SEMA3A: variants seen among roughly 807,000 people sequenced by gnomAD.
The protein encoded by SEMA3A is semaphorin-3A.
In SEMA3A, 29 loss-of-function variants were observed where a neutral mutation model predicts 97.9. That is an observed-to-expected ratio of 0.30 (90% CI 0.22 to 0.40). The LOEUF is 0.40. SEMA3A is among the 10% of genes least tolerant of loss of function. The pLI, the probability that SEMA3A is intolerant of heterozygous loss-of-function variation, is 1.00. For missense variants in SEMA3A, 763 were observed against 951.3 expected (o/e 0.80, Z 2.60); for synonymous variants, 321 against 323.7 (o/e 0.99, Z 0.09).
chr7:83,980,810 G>C (rs766556865), intron 14 of SEMA3A, among the ~76,000 whole-genome samples: 1 of 151,318 alleles, frequency 6.6e-6, no homozygotes, highest in Admixed American at 6.6e-5. Context: ...AAATTTTCTT[G>C]AAACAAATAG....
chr7:84,286,859 A>G (rs2115767132), intron 3 of SEMA3A, among the ~76,000 whole-genome samples: 1 of 152,284 alleles, frequency 6.6e-6, no homozygotes, highest in Non-Finnish European at 1.5e-5. Flanking sequence ...AAAATGCCAT[A>G]ATCATGTATT....
intron 4 of SEMA3A, among the ~76,000 whole-genome samples, chr7:84,087,261 GT>G (rs1794410882): frequency 6.6e-6 from 1 of 152,072 alleles, no homozygotes; most frequent in Non-Finnish European, 1.5e-5. Flanking sequence ...GTGTGATTTT[GT>G]GTTATTTAAC....
upstream of SEMA3A, among the ~76,000 whole-genome samples, chr7:84,198,376 A>G (rs1798286401): frequency 6.6e-6 from 1 of 151,902 alleles, no homozygotes; most frequent in Non-Finnish European, 1.5e-5. Flanking sequence ...TATTTTTAGT[A>G]GAGACAGGGT....
intron 6 of SEMA3A, among the ~76,000 whole-genome samples, chr7:84,034,989 T>C (rs985985834): frequency 1.3e-5 from 2 of 152,152 alleles, no homozygotes; most frequent in African/African-American, 4.8e-5. Context: ...GTTTACTTTC[T>C]AGTGGAACTA....
intron 15 of SEMA3A, among the ~76,000 whole-genome samples, chr7:83,972,138 A>G (rs1788946063): frequency 6.6e-6 from 1 of 151,998 alleles, no homozygotes; most frequent in South Asian, 2.1e-4. Flanking sequence ...TAGGGCCAAT[A>G]TATTTTAATT....
At chr7:84,097,081 T>A (rs1324731471) in intron 4 of SEMA3A, among the ~76,000 whole-genome samples, 3 of 152,098 alleles carry the variant, frequency 2.0e-5, no homozygotes, top group Non-Finnish European at 4.4e-5. Context: ...AAAGGGCAAG[T>A]AAATGTGGGA....
At position 84,006,350 on chromosome 7, in the gene SEMA3A, T is replaced by C. The variant is rs546158738; in HGVS notation, c.1141-792A>G. On this transcript the variant is annotated intron_variant, in intron 10 of 16. Coordinates refer to ENST00000265362, the MANE Select transcript of SEMA3A (RefSeq NM_006080.3). Reference sequence around the variant, plus strand: ...CTAACATAATGCTAAAAAAGTACCATTGAGATATGTAATAAATAAAATAAT... The same window carrying C: ...CTAACATAATGCTAAAAAAGTACCACTGAGATATGTAATAAATAAAATAAT... Among the ~76,000 whole-genome samples, 850 of 152,104 alleles carry C rather than the reference T, an allele frequency of 5.6e-3. 12 individuals carry two copies. Among genetic ancestry groups the C allele is most frequent in the African/African-American group, 0.02 (813 of 41,514 alleles).
chr7:84,085,894 A>T (rs1219830867), intron 4 of SEMA3A, among the ~76,000 whole-genome samples: 1 of 152,166 alleles, frequency 6.6e-6, no homozygotes, highest in Non-Finnish European at 1.5e-5. Context: ...TGGAAGACGG[A>T]TGTACAACTG....
intron 1 of SEMA3A, among the ~76,000 whole-genome samples, chr7:84,385,000 C>A (rs1803361656): frequency 6.6e-6 from 1 of 151,838 alleles, no homozygotes; most frequent in Admixed American, 6.6e-5. Context: ...ATATCAGGTT[C>A]AGATGTCACT....
chr7:84,107,536 C>T (rs1445933396), intron 4 of SEMA3A, among the ~76,000 whole-genome samples: 1 of 152,154 alleles, frequency 6.6e-6, no homozygotes, highest in African/African-American at 2.4e-5. Context: ...CTCTCAAAGG[C>T]TGTGAGTTTC....
At chr7:84,440,899 C>T (rs1805255119) in intron 1 of SEMA3A, among the ~76,000 whole-genome samples, 1 of 152,190 alleles carries the variant, frequency 6.6e-6, no homozygotes, top group Non-Finnish European at 1.5e-5. Flanking sequence ...TGGCTCACGC[C>T]TGTAATCTCA....
chr7:84,211,857 T>C (rs1386819616), intron 3 of SEMA3A, among the ~76,000 whole-genome samples: 1 of 152,166 alleles, frequency 6.6e-6, no homozygotes, highest in Non-Finnish European at 1.5e-5. Flanking sequence ...TATGTGGGAT[T>C]CAAGATCAAT....
At chr7:84,403,232 G>T (rs914379809) in intron 1 of SEMA3A, among the ~76,000 whole-genome samples, 16 of 152,156 alleles carry the variant, frequency 1.1e-4, no homozygotes, top group Non-Finnish European at 2.4e-4. Context: ...TTAACAAACG[G>T]CACACCAGGA....
intron 2 of SEMA3A, among the ~76,000 whole-genome samples, chr7:84,325,433 A>C (rs924068964): frequency 1.3e-5 from 2 of 152,102 alleles, no homozygotes; most frequent in African/African-American, 4.8e-5. Context: ...CAAAGATCTG[A>C]ATAAAGACAG....
At chr7:84,418,975 A>G (rs1199769226) in intron 1 of SEMA3A, among the ~76,000 whole-genome samples, 1 of 152,120 alleles carries the variant, frequency 6.6e-6, no homozygotes, top group Non-Finnish European at 1.5e-5. Flanking sequence ...ACATACATAT[A>G]TATACATACA....
At chr7:84,253,808 C>G (rs1189720316) in intron 3 of SEMA3A, among the ~76,000 whole-genome samples, 1 of 152,078 alleles carries the variant, frequency 6.6e-6, no homozygotes, top group Non-Finnish European at 1.5e-5. Context: ...GCATTAGGAC[C>G]TGGTTGCTGC....
At chr7:84,181,595 A>C (rs1236038474) in intron 1 of SEMA3A, among the ~76,000 whole-genome samples, 2 of 152,150 alleles carry the variant, frequency 1.3e-5, no homozygotes, top group Non-Finnish European at 2.9e-5. Context: ...AACAGCACAA[A>C]GGCTGAGGTT....
intron 3 of SEMA3A, among the ~76,000 whole-genome samples, chr7:84,263,160 T>G (rs1421232348): frequency 6.6e-6 from 1 of 152,222 alleles, no homozygotes; most frequent in African/African-American, 2.4e-5. Context: ...ATTTTTCCAC[T>G]TCCTTAATTT....
intron 1 of SEMA3A, among the ~76,000 whole-genome samples, chr7:84,402,760 T>A (rs1301437647): frequency 6.6e-6 from 1 of 152,184 alleles, no homozygotes; most frequent in Non-Finnish European, 1.5e-5. Flanking sequence ...TCTATTACTT[T>A]CAGTAACATA....
Sources: gnomAD v4.1 joint callset for allele counts (sites outside exome capture counted in the v4.1 genomes callset) on GRCh38, gnomAD v4.1.1 for gene constraint, MANE v1.5 for transcripts, NCBI Gene and HGNC (gene_info 2026-07-23, HGNC 2026-07-21) for gene names.